ATXN7: variants seen among roughly 807,000 people sequenced by gnomAD.
ATXN7 encodes ataxin-7.
Under a neutral mutation model 70.5 loss-of-function variants are expected in ATXN7, and 12 were observed. The observed-to-expected ratio is 0.17, with a 90% confidence interval of 0.11 to 0.28. The LOEUF (loss-of-function observed/expected upper bound fraction) is 0.28, where lower values mean the gene tolerates loss of function less well. Among genes scored for constraint, ATXN7 ranks in the 10% least tolerant of loss-of-function variants. The pLI, the probability that ATXN7 is intolerant of heterozygous loss-of-function variation, is 1.00. For synonymous variants in ATXN7, 498 were observed against 448.7 expected (o/e 1.11, Z -1.39); for missense variants, 1,256 against 1,131.7 (o/e 1.11, Z -1.58).
chr3:63,941,453 GA>G (rs1256410632), intron 4 of ATXN7, among the ~76,000 whole-genome samples: 1 of 152,148 alleles, frequency 6.6e-6, no homozygotes, highest in Non-Finnish European at 1.5e-5. Flanking sequence ...TGTGCTCCTA[GA>G]ATCTAACTAA....
chr3:63,967,843 G>C, intron 5 of ATXN7: 1 of 1,528,416 alleles, frequency 6.5e-7, no homozygotes, highest in Admixed American at 2.0e-5. Context: ...TGGAGTTGGT[G>C]GGCAGACCCA....
chr3:63,914,170 C>T (rs1484936442), intron 4 of ATXN7, among the ~76,000 whole-genome samples: 1 of 152,212 alleles, frequency 6.6e-6, no homozygotes, highest in Non-Finnish European at 1.5e-5. Context: ...GAATTGTTGT[C>T]TATGGCCCAA....
intron 4 of ATXN7, among the ~76,000 whole-genome samples, chr3:63,924,901 T>A (rs899047932): frequency 6.6e-6 from 1 of 152,176 alleles, no homozygotes; most frequent in Non-Finnish European, 1.5e-5. Context: ...TTATTTTATT[T>A]GGATAGTATT....
At chr3:63,863,226 C>G (rs1390391352), upstream of ATXN7, 5 of 157,618 alleles carry the variant, frequency 3.2e-5, no homozygotes, top group Admixed American at 1.3e-4. Flanking sequence ...CCCAGGACCC[C>G]TCCTGGTGTC....
intron 11 of ATXN7, among the ~76,000 whole-genome samples, chr3:63,991,332 C>T (rs2075669088): frequency 8.2e-6 from 1 of 121,440 alleles, no homozygotes; most frequent in South Asian, 2.8e-4. Flanking sequence ...TAATAGATGA[C>T]AAAACTGAGA....
chr3:63,874,095 C>A (rs1034207058), intron 1 of ATXN7, among the ~76,000 whole-genome samples: 53 of 152,174 alleles, frequency 3.5e-4, no homozygotes, highest in Non-Finnish European at 6.9e-4. Flanking sequence ...ACTCTAAATG[C>A]AATACTACAT....
At chr3:63,865,402 G>A (rs561498885) in intron 1 of ATXN7, 1 of 152,236 alleles carries the variant, frequency 6.6e-6, no homozygotes, top group East Asian at 1.9e-4. Context: ...TTCCGACTTT[G>A]AAAAAATACT....
intron 5 of ATXN7, among the ~76,000 whole-genome samples, chr3:63,956,498 C>T (rs922857668): frequency 4.8e-5 from 7 of 146,518 alleles, no homozygotes; most frequent in Non-Finnish European, 9.0e-5. Flanking sequence ...TAATTCGAAT[C>T]AGTGGATCCC....
rs779764089 is a variant in ATXN7, at chr3:63,996,155, G to GC, written c.2340dup (p.Thr781HisfsTer6). 5 of 1,613,704 alleles carry GC rather than the reference G, an allele frequency of 3.1e-6. No homozygotes were observed. Among genetic ancestry groups the GC allele is most frequent in the Non-Finnish European group, 1.7e-6 (2 of 1,179,986 alleles). On this transcript the variant is annotated frameshift_variant, in exon 12 of 13. Transcript: ENST00000674280. LOFTEE classifies it high-confidence loss of function. ...GTCCGGCATGACCAGTCAGGGAGGGGCCCCCCCACCGGGAGCCCTGCTGAA... is the reference window on the plus strand; with the variant it reads ...GTCCGGCATGACCAGTCAGGGAGGGGCCCCCCCCACCGGGAGCCCTGCTGAA...
At position 63,999,675 on chromosome 3, in the gene ATXN7, G is replaced by C; in HGVS notation, c.*208G>C. 3.5e-6 allele frequency: 3 copies of C among 868,478 alleles called. No individual in the cohort carries two copies. The highest frequency in any genetic ancestry group is 5.5e-6 in the Non-Finnish European group (3 of 541,204). 53.8% of individuals were successfully genotyped at this position (868,478 alleles called of 1,614,324 possible). A position where few individuals can be genotyped will look rare whatever the true frequency, so the allele number is the denominator to read the frequency against. ...CAGTGAGTACTCATAAAGGACACTG[G>C]ATCAAGTTCAGCCACCGAATTGCTT... On this transcript the variant is annotated 3_prime_UTR_variant, in exon 13 of 13. Transcript: ENST00000674280.
chr3:63,978,538 C>T (rs558973085), intron 5 of ATXN7, among the ~76,000 whole-genome samples: 1 of 152,260 alleles, frequency 6.6e-6, no homozygotes, highest in East Asian at 1.9e-4. Flanking sequence ...CTTCAGATGC[C>T]AAATTTGGAA....
Position 63,995,942 on chromosome 3 carries a change from G to A in ATXN7, c.2120G>A (p.Arg707His), listed in dbSNP as rs368917711. Residue 707 changes from arginine (R) to histidine (H), a missense_variant, in exon 12 of 13, where the codon CGC becomes CAC. By Grantham distance (29) the Arg-to-His change is conservative. Coordinates refer to ENST00000674280, the MANE Select transcript of ATXN7 (RefSeq NM_001377405.1). ...ACCAGTGGCGGCTCAGGAAAGAAAC[G>A]CAAAAACAGTTCCCCACTGTTGGTT... is the stretch of plus-strand genomic sequence containing the variant. ...SSTSGGSGKK[R>H]KNSSPLLVHS... 6.6e-5 allele frequency: 106 copies of A among 1,613,992 alleles called. No homozygotes were observed. Among genetic ancestry groups the A allele is most frequent in the Non-Finnish European group, 8.1e-5 (96 of 1,180,030 alleles).
chr3:63,956,420 CAAAAAAAAA>C lies in ATXN7; in HGVS notation c.499+3955_499+3963del, dbSNP rs1175948780. On this transcript the variant is annotated intron_variant, in intron 5 of 12. Coordinates refer to ENST00000674280, the MANE Select transcript of ATXN7 (RefSeq NM_001377405.1). The stretch of plus-strand genomic sequence containing the variant: ...TGGGTGACGGAGCGAGACTGCATCT[CAAAAAAAAA>C]AAAAAAAAAAAAAAAAAGAGTAAGG... 8.1e-3 allele frequency among the ~76,000 whole-genome samples: 299 copies of C among 36,704 alleles called. 2 individuals are homozygous for C. Among genetic ancestry groups the C allele is most frequent in the African/African-American group, 0.027 (281 of 10,276 alleles). 24.1% of individuals were successfully genotyped at this position (36,704 alleles called of 152,430 possible). A position where few individuals can be genotyped will look rare whatever the true frequency, so the allele number is the denominator to read the frequency against.
intron 2 of ATXN7, chr3:63,901,603 A>G (rs907407953): frequency 2.0e-5 from 3 of 152,138 alleles, no homozygotes; most frequent in Non-Finnish European, 4.4e-5. Flanking sequence ...AAAAAAAACA[A>G]AAATAGAGAT....
At chr3:63,902,769 T>C (rs951183455) in intron 2 of ATXN7, among the ~76,000 whole-genome samples, 2 of 152,148 alleles carry the variant, frequency 1.3e-5, no homozygotes, top group African/African-American at 2.4e-5. Flanking sequence ...TATCAGTCCA[T>C]GCCGTTGCCA....
intron 4 of ATXN7, among the ~76,000 whole-genome samples, chr3:63,941,804 T>G (rs1173639544): frequency 6.6e-6 from 1 of 152,188 alleles, no homozygotes; most frequent in African/African-American, 2.4e-5. Context: ...CTGGGAGTTG[T>G]GCTTATGGAA....
At chr3:63,874,740 A>T (rs1447026659) in intron 1 of ATXN7, among the ~76,000 whole-genome samples, 1 of 152,162 alleles carries the variant, frequency 6.6e-6, no homozygotes, top group African/African-American at 2.4e-5. Context: ...TGAACTGGAG[A>T]TGGGTAAACT....
chr3:63,998,203 G>A (rs559218243), intron 12 of ATXN7: 23 of 949,774 alleles, frequency 2.4e-5, no homozygotes, highest in Middle Eastern at 5.3e-4. Context: ...GGACAGAAGG[G>A]GGGGGGGCCA....
At chr3:63,957,553 AAGT>A (rs1423160863) in intron 5 of ATXN7, among the ~76,000 whole-genome samples, 1 of 152,256 alleles carries the variant, frequency 6.6e-6, no homozygotes, top group Admixed American at 6.5e-5. Context: ...CTGCTATAAG[AAGT>A]AGTAAATGTG....
Sources: gnomAD v4.1 joint callset for allele counts (sites outside exome capture counted in the v4.1 genomes callset) on GRCh38, gnomAD v4.1.1 for gene constraint, MANE v1.5 for transcripts, NCBI Gene and HGNC (gene_info 2026-07-23, HGNC 2026-07-21) for gene names.